Variants in RYR2 observed in about 807,000 individuals in gnomAD.
The protein encoded by RYR2 is cardiac muscle ryanodine receptor-calcium release channel.
RYR2 carries 227 observed loss-of-function variants against 601.1 expected under a neutral mutation model. That is an observed-to-expected ratio of 0.38 (90% confidence interval 0.34 to 0.42). The LOEUF is 0.42. Among genes scored for constraint, RYR2 ranks in the 10% least tolerant of loss-of-function variants. The pLI, the probability that RYR2 is intolerant of heterozygous loss-of-function variation, is 1.00. For missense variants in RYR2, 4,646 were observed against 6,156.5 expected (o/e 0.75, Z 8.21); for synonymous variants, 2,223 against 2,175.1 (o/e 1.02, Z -0.61).
At chr1:237,262,245 G>GTTGTTTTTTTTTTTTTTTTT (rs1688599609) in intron 1 of RYR2, among the ~76,000 whole-genome samples, 1 of 61,106 alleles carries the variant, frequency 1.6e-5, no homozygotes, top group East Asian at 1.0e-3. Flanking sequence ...GTTCTAAAGA[G>GTTGTTTTTTTTTTTTTTTTT]TTTTTTTTTT....
chr1:237,066,884 G>A (rs568803031), intron 1 of RYR2, among the ~76,000 whole-genome samples: 1 of 152,040 alleles, frequency 6.6e-6, no homozygotes, highest in Non-Finnish European at 1.5e-5. Context: ...CAATCCGCCC[G>A]CCTCGGCCTC....
chr1:237,729,118 A>G (rs895063651), intron 76 of RYR2, among the ~76,000 whole-genome samples: 6 of 152,010 alleles, frequency 3.9e-5, no homozygotes, highest in Non-Finnish European at 8.8e-5. Flanking sequence ...CCTCATATCA[A>G]GTTGATGGCA....
intron 101 of RYR2, among the ~76,000 whole-genome samples, chr1:237,827,880 T>C (rs538992029): frequency 7.9e-6 from 1 of 126,850 alleles, no homozygotes; most frequent in Non-Finnish European, 1.5e-5. Context: ...GAGCTTGCAG[T>C]GAGCCGAGAT....
intron 23 of RYR2, 121 bp from the exon 24 acceptor site, chr1:237,511,567 G>A: frequency 1.4e-6 from 1 of 717,264 alleles, no homozygotes. Flanking sequence ...CAGCTTTGCA[G>A]GGGTAATGAT....
intron 1 of RYR2, among the ~76,000 whole-genome samples, chr1:237,079,474 T>C (rs1236793064): frequency 4.4e-5 from 2 of 45,406 alleles, no homozygotes; most frequent in Non-Finnish European, 7.2e-5. Context: ...AGCATTCTTA[T>C]ACACCAACAA....
intron 24 of RYR2, among the ~76,000 whole-genome samples, chr1:237,521,273 C>G (rs1667058497): frequency 1.3e-5 from 2 of 152,140 alleles, no homozygotes; most frequent in South Asian, 4.1e-4. Flanking sequence ...GACCAATATC[C>G]CTGATTAACA....
intron 38 of RYR2, among the ~76,000 whole-genome samples, chr1:237,620,810 A>G (rs1024918827): frequency 4.6e-5 from 7 of 152,066 alleles, no homozygotes; most frequent in Non-Finnish European, 7.4e-5. Context: ...AGAAATAGAC[A>G]AATCCAAAAT....
chr1:237,135,168 A>G (rs1672627578), intron 1 of RYR2, among the ~76,000 whole-genome samples: 1 of 152,164 alleles, frequency 6.6e-6, no homozygotes, highest in Non-Finnish European at 1.5e-5. Context: ...ATTTATTTTC[A>G]GGTATCTTCA....
At chr1:237,631,374 A>G (rs1680231398) in intron 41 of RYR2, 53 bp from the exon 42 acceptor site, 1 of 1,094,914 alleles carries the variant, frequency 9.1e-7, no homozygotes, top group Non-Finnish European at 1.4e-6. Flanking sequence ...AACTTGGTTA[A>G]CTATTTAGAT....
At chr1:237,515,696 C>CTTCT (rs1417998892) in intron 24 of RYR2, among the ~76,000 whole-genome samples, 1 of 1,592 alleles carries the variant, frequency 6.3e-4, no homozygotes, top group Non-Finnish European at 1.6e-3. Context: ...TCCTTCCTTC[C>CTTCT]CTCCCCTCCT....
intron 25 of RYR2, among the ~76,000 whole-genome samples, chr1:237,532,334 T>C (rs1668213131): frequency 6.6e-6 from 1 of 152,170 alleles, no homozygotes; most frequent in Non-Finnish European, 1.5e-5. Flanking sequence ...ACATAAATAA[T>C]TTTTGTTATT....
At chr1:237,476,509 C>CAAAAAAAAAAAAAAAAAAAAAAAAAAA (rs56116691) in intron 17 of RYR2, among the ~76,000 whole-genome samples, 1 of 70,192 alleles carries the variant, frequency 1.4e-5, no homozygotes, top group Non-Finnish European at 2.5e-5. Flanking sequence ...GACTCTGTCT[C>CAAAAAAAAAAAAAAAAAAAAAAAAAAA]AAAAAAAAAA....
intron 3 of RYR2, among the ~76,000 whole-genome samples, chr1:237,346,258 C>A (rs1334585558): frequency 6.6e-6 from 1 of 150,808 alleles, no homozygotes; most frequent in Non-Finnish European, 1.5e-5. Flanking sequence ...TCCCAGCTAC[C>A]TGGAAGGCTG....
chr1:237,811,764 T>C (rs1661279301), intron 100 of RYR2, among the ~76,000 whole-genome samples: 1 of 152,160 alleles, frequency 6.6e-6, no homozygotes, highest in African/African-American at 2.4e-5. Flanking sequence ...ATCATATTGT[T>C]CATGTGAAAA....
At chr1:237,220,686 A>T (rs1436769541) in intron 1 of RYR2, among the ~76,000 whole-genome samples, 1 of 152,192 alleles carries the variant, frequency 6.6e-6, no homozygotes, top group Non-Finnish European at 1.5e-5. Flanking sequence ...TTCAGAGTAG[A>T]TTATTTTACA....
At chr1:237,695,816 C>T (rs1687374122) in intron 63 of RYR2, among the ~76,000 whole-genome samples, 2 of 152,052 alleles carry the variant, frequency 1.3e-5, no homozygotes, top group Admixed American at 1.3e-4. Context: ...TCTTAGAGTC[C>T]CTTTCCCATT....
chr1:237,213,899 CT>C (rs1320242831), intron 1 of RYR2, among the ~76,000 whole-genome samples: 26 of 102,228 alleles, frequency 2.5e-4, no homozygotes, highest in Admixed American at 3.9e-4. Context: ...CATTTATTAT[CT>C]TTTTTTTTCT....
rs1060500146 is a variant in RYR2, at chr1:237,591,816, A to G, written c.4238A>G (p.Asp1413Gly). The G allele has an allele frequency of 1.2e-6, 2 of 1,613,598 alleles. No individual in the cohort carries two copies. Among genetic ancestry groups the G allele is most frequent in the African/African-American group, 1.3e-5 (1 of 75,036 alleles). The change falls in exon 32 of 105, where the codon GAT (aspartate) becomes GGT (glycine). Residue 1413 changes from aspartate to glycine, a missense_variant. Physicochemically the swap from Asp to Gly is moderately conservative, Grantham distance 94. Coordinates refer to ENST00000366574, the MANE Select transcript of RYR2 (RefSeq NM_001035.3). Reference sequence around the variant, plus strand: ...CTCACCGAAGATGTCCTTGCTGATGATCGGGATGACTATGATTTCTTGATG... The same window carrying G: ...CTCACCGAAGATGTCCTTGCTGATGGTCGGGATGACTATGATTTCTTGATG... ...ARLTEDVLADDRDDYDFLMQT... is the reference protein window; with the variant it reads ...ARLTEDVLADGRDDYDFLMQT...
At chr1:237,049,844 G>A (rs974453604) in intron 1 of RYR2, among the ~76,000 whole-genome samples, 1 of 152,182 alleles carries the variant, frequency 6.6e-6, no homozygotes, top group African/African-American at 2.4e-5. Flanking sequence ...CTCCTAGTGA[G>A]CTTGTTTGCA....
Sources: allele counts gnomAD v4.1 joint callset (sites outside exome capture counted in the v4.1 genomes callset), GRCh38; gene constraint gnomAD v4.1.1; transcripts MANE v1.5; gene names NCBI Gene and HGNC (gene_info 2026-07-23, HGNC 2026-07-21).